The following RBFOX1 variants were observed in gnomAD, a reference collection of about 807,000 sequenced individuals.
The protein encoded by RBFOX1 is RNA binding protein fox-1 homolog 1.
A neutral mutation model predicts 57.7 loss-of-function variants in RBFOX1; 8 were observed. The observed-to-expected ratio is 0.14, with a 90% confidence interval of 0.08 to 0.25. The LOEUF (loss-of-function observed/expected upper bound fraction) is 0.25. Among genes scored for constraint, RBFOX1 ranks in the 10% least tolerant of loss-of-function variants. The pLI, the probability that RBFOX1 is intolerant of heterozygous loss-of-function variation, is 1.00. For missense variants in RBFOX1, 611 were observed against 548.5 expected (o/e 1.11, Z -1.14); for synonymous variants, 326 against 222.4 (o/e 1.47, Z -4.15).
At position 7,188,620 on chromosome 16, in the gene RBFOX1, A is replaced by G. The variant is rs74012715; in HGVS notation, c.27+136522A>G. On this transcript the variant is annotated intron_variant, in intron 4 of 15. Transcript: ENST00000550418. The stretch of plus-strand genomic sequence containing the variant: ...GTGGTTTATGCTGCAGACTTTTCCA[A>G]TAAGCATTGACTCATTATACCAGTC... Among the ~76,000 whole-genome samples the G allele has an allele frequency of 4.5e-3, 678 of 152,314 alleles. 6 individuals are homozygous for G. Among genetic ancestry groups the G allele is most frequent in the African/African-American group, 0.015 (610 of 41,562 alleles).
intron 4 of RBFOX1, among the ~76,000 whole-genome samples, chr16:7,092,448 A>G (rs939414940): frequency 1.3e-5 from 2 of 152,220 alleles, no homozygotes; most frequent in African/African-American, 2.4e-5. Context: ...ATCACTTAAC[A>G]TTTTGTACCA....
At chr16:6,875,849 T>G (rs553390374) in intron 3 of RBFOX1, among the ~76,000 whole-genome samples, 4 of 151,816 alleles carry the variant, frequency 2.6e-5, no homozygotes, top group Non-Finnish European at 4.4e-5. Context: ...TACAAAAAAA[T>G]TAGCCAGTCA....
chr16:6,823,883 A>G (rs4786122), intron 3 of RBFOX1, among the ~76,000 whole-genome samples: 113,548 of 151,996 alleles, frequency 0.75, 42,493 homozygotes, highest in East Asian at 0.87. Flanking sequence ...GGGATTACAG[A>G]TTGCTGCAAA....
At chr16:6,291,640 C>T (rs1199515518) in intron 1 of RBFOX1, among the ~76,000 whole-genome samples, 5 of 152,180 alleles carry the variant, frequency 3.3e-5, no homozygotes, top group African/African-American at 1.2e-4. Flanking sequence ...CCAATGGCAT[C>T]CTTTGCCGTA....
At chr16:7,560,723 C>T (rs907726962) in intron 5 of RBFOX1, among the ~76,000 whole-genome samples, 1 of 152,072 alleles carries the variant, frequency 6.6e-6, no homozygotes, top group Non-Finnish European at 1.5e-5. Flanking sequence ...CCAAGTCTCA[C>T]CCGCTTCTCA....
intron 3 of RBFOX1, among the ~76,000 whole-genome samples, chr16:6,679,029 G>A (rs371783196): frequency 2.6e-5 from 4 of 152,154 alleles, no homozygotes; most frequent in East Asian, 1.9e-4. Context: ...TCGACTCTGC[G>A]TGTTGCTATT....
intron 4 of RBFOX1, among the ~76,000 whole-genome samples, chr16:5,884,313 G>A (rs2057840928): frequency 6.6e-6 from 1 of 152,158 alleles, no homozygotes. Flanking sequence ...GAGTGGATAA[G>A]GTGGGTGATT....
intron 3 of RBFOX1, among the ~76,000 whole-genome samples, chr16:5,834,851 T>C (rs965660900): frequency 6.6e-6 from 1 of 152,164 alleles, no homozygotes; most frequent in African/African-American, 2.4e-5. Flanking sequence ...TCTTTTCCAT[T>C]GGGTAGCTAT....
intron 2 of RBFOX1, among the ~76,000 whole-genome samples, chr16:6,601,859 A>T (rs1428058415): frequency 6.6e-6 from 1 of 152,170 alleles, no homozygotes; most frequent in Non-Finnish European, 1.5e-5. Flanking sequence ...TAGAGCTTGA[A>T]GAGGATGTTA....
chr16:7,451,376 G>A (rs1162554724), intron 4 of RBFOX1, among the ~76,000 whole-genome samples: 1 of 152,142 alleles, frequency 6.6e-6, no homozygotes, highest in Non-Finnish European at 1.5e-5. Flanking sequence ...GGAAATTTCG[G>A]AGCAGTGAAA....
chr16:7,137,757 T>C (rs1531559), intron 4 of RBFOX1, among the ~76,000 whole-genome samples: 106,487 of 152,036 alleles, frequency 0.7, 38,952 homozygotes, highest in South Asian at 0.81. Context: ...CATAACATTA[T>C]GCAACAGTCC....
chr16:6,536,083 C>T (rs1462226194), intron 2 of RBFOX1, among the ~76,000 whole-genome samples: 3 of 152,160 alleles, frequency 2.0e-5, no homozygotes, highest in Non-Finnish European at 4.4e-5. Flanking sequence ...AGAGGTGATA[C>T]AGGAGTATTA....
intron 3 of RBFOX1, among the ~76,000 whole-genome samples, chr16:6,835,281 C>T (rs1437305222): frequency 2.6e-5 from 4 of 152,086 alleles, no homozygotes; most frequent in Admixed American, 1.3e-4. Flanking sequence ...TATGCGGGTT[C>T]CCTTTCTGCA....
At position 5,243,383 on chromosome 16, in the gene RBFOX1, C is replaced by T. The variant is rs369354812; in HGVS notation, c.219+3278C>T. 9.9e-5 allele frequency among the ~76,000 whole-genome samples: 15 copies of T among 152,282 alleles called. No homozygotes were observed. The East Asian group carries it at 1.5e-3, about 16-fold the overall frequency. On this transcript the variant is annotated intron_variant, in intron 1 of 2. Transcript: ENST00000585867. ...ACCAGATCAGGAAGGTTGTTGTCAG[C>T]CTGGGGCTCCTGTAGAGGAGCATCC... is the stretch of plus-strand genomic sequence containing the variant.
At chr16:5,576,239 T>C (rs1160745350) in intron 2 of RBFOX1, among the ~76,000 whole-genome samples, 1 of 152,142 alleles carries the variant, frequency 6.6e-6, no homozygotes, top group African/African-American at 2.4e-5. Flanking sequence ...CAGGCTGGAG[T>C]GCAGTGGTCT....
At chr16:7,696,795 C>G (rs78465671) in intron 14 of RBFOX1, among the ~76,000 whole-genome samples, 2 of 152,062 alleles carry the variant, frequency 1.3e-5, no homozygotes, top group Non-Finnish European at 1.5e-5. Context: ...TTAGACTCAG[C>G]CATCAGAGAA....
intron 2 of RBFOX1, among the ~76,000 whole-genome samples, chr16:6,523,682 G>A (rs772408252): frequency 6.6e-6 from 1 of 151,994 alleles, no homozygotes; most frequent in Non-Finnish European, 1.5e-5. Context: ...GTCATGAATT[G>A]TTCAAATCTG....
intron 1 of RBFOX1, among the ~76,000 whole-genome samples, chr16:6,196,421 A>G (rs1567657963): frequency 6.6e-6 from 1 of 152,210 alleles, no homozygotes; most frequent in Non-Finnish European, 1.5e-5. Flanking sequence ...GGTAATTTAA[A>G]TAATTTGCAG....
intron 2 of RBFOX1, among the ~76,000 whole-genome samples, chr16:6,646,774 T>C (rs1568027850): frequency 6.6e-6 from 1 of 152,186 alleles, no homozygotes; most frequent in Non-Finnish European, 1.5e-5. Flanking sequence ...CTCCCGTTTC[T>C]GTTTAGGTTG....
Sources: gnomAD v4.1 joint callset for allele counts (sites outside exome capture counted in the v4.1 genomes callset) on GRCh38, gnomAD v4.1.1 for gene constraint, MANE v1.5 for transcripts, NCBI Gene and HGNC (gene_info 2026-07-23, HGNC 2026-07-21) for gene names.